TCF7L2: variants seen among roughly 807,000 people sequenced by gnomAD.
The protein encoded by TCF7L2 is transcription factor 7-like 2.
A neutral mutation model predicts 77.9 loss-of-function variants in TCF7L2; 23 were observed. The observed-to-expected ratio is 0.30, with a 90% confidence interval of 0.21 to 0.42. The LOEUF (loss-of-function observed/expected upper bound fraction) is 0.42. Ranked by LOEUF, TCF7L2 falls within the 10% of genes least tolerant of loss-of-function variation. TCF7L2 has a pLI of 1.00. For missense variants in TCF7L2, 654 were observed against 793.1 expected (o/e 0.82, Z 2.11); for synonymous variants, 413 against 340.2 (o/e 1.21, Z -2.36).
intron 4 of TCF7L2, among the ~76,000 whole-genome samples, chr10:113,039,471 GT>G (rs1213092103): frequency 6.6e-6 from 1 of 152,204 alleles, no homozygotes; most frequent in Non-Finnish European, 1.5e-5. Flanking sequence ...GTAAACTTGG[GT>G]TGTATGAAGA....
At chr10:113,165,434 G>A (rs934933999) in intron 13 of TCF7L2, 121 bp from the exon 15 acceptor site, 24 of 1,111,332 alleles carry the variant, frequency 2.2e-5, no homozygotes, top group Admixed American at 1.9e-4. Context: ...TCGGACCACT[G>A]GGCGTGCCAC....
chr10:113,035,233 C>T (rs553620508), intron 4 of TCF7L2, among the ~76,000 whole-genome samples: 8 of 152,252 alleles, frequency 5.3e-5, no homozygotes, highest in South Asian at 4.1e-4. Flanking sequence ...TAATCCGAAA[C>T]GTTGCTATTA....
At chr10:112,972,242 C>G (rs964665426) in intron 4 of TCF7L2, among the ~76,000 whole-genome samples, 2 of 152,204 alleles carry the variant, frequency 1.3e-5, no homozygotes, top group Non-Finnish European at 2.9e-5. Context: ...AGAAATTGGA[C>G]TGCCCTTATG....
At chr10:113,112,437 G>A (rs572081776) in intron 5 of TCF7L2, among the ~76,000 whole-genome samples, 1 of 152,206 alleles carries the variant, frequency 6.6e-6, no homozygotes, top group Non-Finnish European at 1.5e-5. Context: ...CCCGGCTAGC[G>A]ACTGGCAAGG....
chr10:113,156,107 CTT>C, intron 11 of TCF7L2, among the ~76,000 whole-genome samples: 1 of 137,120 alleles, frequency 7.3e-6, no homozygotes, highest in Non-Finnish European at 1.5e-5. Context: ...TCTCGAGTTT[CTT>C]TCTTTCTTTT....
intron 5 of TCF7L2, among the ~76,000 whole-genome samples, chr10:113,098,804 G>T (rs149931313): frequency 6.6e-6 from 1 of 152,122 alleles, no homozygotes; most frequent in Middle Eastern, 3.2e-3. Flanking sequence ...ATATAAATTC[G>T]TATTATTGCC....
chr10:112,953,256 C>A (rs560822326), intron 3 of TCF7L2, among the ~76,000 whole-genome samples: 1 of 152,148 alleles, frequency 6.6e-6, no homozygotes, highest in Non-Finnish European at 1.5e-5. Context: ...TTATTCCCCC[C>A]CTGCCCGGCG....
At chr10:113,123,759 C>T (rs2065148104) in intron 5 of TCF7L2, among the ~76,000 whole-genome samples, 1 of 152,164 alleles carries the variant, frequency 6.6e-6, no homozygotes, top group Non-Finnish European at 1.5e-5. Flanking sequence ...GAGGAGAAGT[C>T]TTAGCCCCAA....
intron 8 of TCF7L2, among the ~76,000 whole-genome samples, chr10:113,146,990 A>G (rs890397955): frequency 1.3e-5 from 2 of 152,122 alleles, no homozygotes; most frequent in Non-Finnish European, 2.9e-5. Flanking sequence ...TCCTATCCCC[A>G]TGTTCTTCTT....
chr10:113,145,020 A>G (rs2136962157), intron 7 of TCF7L2, among the ~76,000 whole-genome samples: 1 of 152,332 alleles, frequency 6.6e-6, no homozygotes, highest in Admixed American at 6.5e-5. Context: ...GTCTTAGGGA[A>G]GATGGCCTTT....
intron 5 of TCF7L2, among the ~76,000 whole-genome samples, chr10:113,139,427 AC>A (rs962396137): frequency 1.3e-5 from 2 of 152,022 alleles, no homozygotes; most frequent in African/African-American, 4.8e-5. Flanking sequence ...GCAGCCCTTC[AC>A]CCTGGCCATG....
At chr10:113,077,255 G>A (rs552477039) in intron 5 of TCF7L2, among the ~76,000 whole-genome samples, 54 of 152,096 alleles carry the variant, frequency 3.6e-4, no homozygotes, top group Non-Finnish European at 7.4e-4. Context: ...CCAATAAAAT[G>A]TACTCAAAAT....
At chr10:113,027,877 G>A (rs941143174) in intron 4 of TCF7L2, among the ~76,000 whole-genome samples, 4 of 152,254 alleles carry the variant, frequency 2.6e-5, no homozygotes, top group East Asian at 3.9e-4. Flanking sequence ...CTTGCCACCC[G>A]TCCCATGGAA....
intron 4 of TCF7L2, among the ~76,000 whole-genome samples, chr10:112,990,292 C>A (rs988559330): frequency 3.9e-5 from 6 of 152,078 alleles, no homozygotes; most frequent in African/African-American, 1.4e-4. Flanking sequence ...TATATTCATT[C>A]AATAACAGAG....
At chr10:112,983,700 G>A (rs948523538) in intron 4 of TCF7L2, among the ~76,000 whole-genome samples, 1 of 152,162 alleles carries the variant, frequency 6.6e-6, no homozygotes, top group Admixed American at 6.5e-5. Flanking sequence ...GGTTACTAGG[G>A]ACAGGAGACC....
intron 5 of TCF7L2, among the ~76,000 whole-genome samples, chr10:113,051,043 C>G (rs1179842691): frequency 2.0e-5 from 3 of 151,790 alleles, no homozygotes; most frequent in Admixed American, 6.6e-5. Flanking sequence ...CACCCTCACT[C>G]TTTTTGTTGT....
chr10:113,070,268 T>TA (rs2057811661), intron 5 of TCF7L2, among the ~76,000 whole-genome samples: 3 of 116,700 alleles, frequency 2.6e-5, no homozygotes, highest in African/African-American at 7.8e-5. Context: ...AAAAAAAAAA[T>TA]TTATATATAT....
chr10:113,137,256 T>G (rs1014929904), intron 5 of TCF7L2, among the ~76,000 whole-genome samples: 1 of 152,182 alleles, frequency 6.6e-6, no homozygotes, highest in African/African-American at 2.4e-5. Context: ...GTATCCCCCC[T>G]GCTCCGTGAA....
chr10:113,092,881 G>A (rs929730960), intron 5 of TCF7L2, among the ~76,000 whole-genome samples: 6 of 152,026 alleles, frequency 3.9e-5, no homozygotes, highest in African/African-American at 1.2e-4. Context: ...GGGTTGGTGG[G>A]GGCAGGGTAA....
Sources: gnomAD v4.1 joint callset for allele counts (sites outside exome capture counted in the v4.1 genomes callset) on GRCh38, gnomAD v4.1.1 for gene constraint, MANE v1.5 for transcripts, NCBI Gene and HGNC (gene_info 2026-07-23, HGNC 2026-07-21) for gene names.